The following DARS2 variants were observed in gnomAD, a reference collection of about 807,000 sequenced individuals.
DARS2 encodes aspartate--tRNA ligase, mitochondrial.
In DARS2, 63 loss-of-function variants were observed where a neutral mutation model predicts 83.0. The ratio of observed to expected loss-of-function variants is 0.76; its 90% confidence interval spans 0.62 to 0.94. The LOEUF (loss-of-function observed/expected upper bound fraction) is 0.94, where lower values mean the gene tolerates loss of function less well. Among genes scored for constraint, DARS2 ranks in the 40% least tolerant of loss-of-function variants. The pLI is 0.00. For synonymous variants in DARS2, 250 were observed against 269.3 expected (o/e 0.93, Z 0.70); for missense variants, 675 against 774.4 (o/e 0.87, Z 1.52).
At chr1:173,837,122 C>T (rs749852083) in intron 8 of DARS2, 76 bp downstream of exon 8, 2 of 1,288,132 alleles carry the variant, frequency 1.6e-6, no homozygotes, top group East Asian at 2.3e-5. Flanking sequence ...ACACAAAATC[C>T]TCTCTGTTCT....
intron 14 of DARS2, 69 bp downstream of exon 14, chr1:173,853,636 G>T: frequency 6.3e-7 from 1 of 1,585,152 alleles, no homozygotes; most frequent in Admixed American, 1.7e-5. Context: ...AGACTTCAAG[G>T]TCTGATGAAA....
chr1:173,840,791 A>T, intron 10 of DARS2, 75 bp from the exon 11 acceptor site: 1 of 835,156 alleles, frequency 1.2e-6, no homozygotes, highest in Non-Finnish European at 2.1e-6. Context: ...TCTTCTTTAA[A>T]ATCTTGTTTG....
rs1653606669 is a variant in DARS2, at chr1:173,850,318, T to C, written c.1192-9T>C. 6.2e-7 allele frequency: 1 copy of C among 1,602,768 alleles called. No homozygotes were observed. The highest frequency in any genetic ancestry group is 8.5e-7 in the Non-Finnish European group (1 of 1,176,596). On this transcript the variant is annotated splice_polypyrimidine_tract_variant and intron_variant, in intron 12 of 16. Transcript: ENST00000649689. ...AAAAAACGTGAATAAGTCTTTTTCT[T>C]TTACACAGGAAATCTTACCTGTATT...
At chr1:173,842,075 A>G (rs1472212437) in intron 11 of DARS2, among the ~76,000 whole-genome samples, 1 of 152,090 alleles carries the variant, frequency 6.6e-6, no homozygotes, top group African/African-American at 2.4e-5. Flanking sequence ...GAGAGAGAGA[A>G]TGGTTGGGCT....
intron 11 of DARS2, among the ~76,000 whole-genome samples, chr1:173,841,289 A>G (rs1435061003): frequency 1.3e-5 from 2 of 152,110 alleles, no homozygotes; most frequent in Non-Finnish European, 2.9e-5. Flanking sequence ...GGGCAGGAGA[A>G]TCGCTTGAAC....
intron 13 of DARS2, among the ~76,000 whole-genome samples, chr1:173,851,147 G>C (rs924252271): frequency 2.6e-5 from 4 of 151,400 alleles, no homozygotes; most frequent in Admixed American, 2.6e-4. Flanking sequence ...TCCTCGGGAG[G>C]CTGAGGCAGG....
chr1:173,834,740 T>TTTTTG (rs1652924289), intron 7 of DARS2, among the ~76,000 whole-genome samples: 1 of 131,058 alleles, frequency 7.6e-6, no homozygotes, highest in African/African-American at 3.4e-5. Flanking sequence ...TTGTTTTTTT[T>TTTTTG]TTTTTTTTTT....
intron 10 of DARS2, 91 bp from the exon 11 acceptor site, chr1:173,840,775 C>T (rs1193163560): frequency 1.3e-6 from 1 of 758,572 alleles, no homozygotes; most frequent in Admixed American, 1.9e-5. Flanking sequence ...TTATCAAGAT[C>T]TATTCTCTTC....
At chr1:173,834,724 GTTTTTTTGTTTTTTTT>G (rs1366152792) in intron 7 of DARS2, among the ~76,000 whole-genome samples, 12 of 14,770 alleles carry the variant, frequency 8.1e-4, no homozygotes, top group African/African-American at 3.1e-3. Flanking sequence ...TTTCCTTTGA[GTTTTTTTGTTTTTTTT>G]TTTTTTTTTT....
chr1:173,832,316 CTTAA>C (rs1557855326), intron 5 of DARS2, among the ~76,000 whole-genome samples: 1 of 152,112 alleles, frequency 6.6e-6, no homozygotes, highest in Non-Finnish European at 1.5e-5. Flanking sequence ...GTTCTCAATA[CTTAA>C]TTATCTAATT....
chr1:173,848,001 CGCGACCACGCCCG>C (rs1038192868), intron 12 of DARS2, among the ~76,000 whole-genome samples: 2 of 151,934 alleles, frequency 1.3e-5, no homozygotes, highest in Admixed American at 6.6e-5. Context: ...TACAGGCGCC[CGCGACCACGCCCG>C]GCTAATTTTT....
At position 173,845,258 on chromosome 1, in the gene DARS2, C is replaced by T. The variant is rs1435290584; in HGVS notation, c.1158C>T (p.Ser386=). Residue 386 remains serine, a synonymous_variant, in exon 12 of 17, where the codon TCC becomes TCT. Transcript: ENST00000649689. The part of the protein sequence containing the change: ...AKYLKRKDIE[S]IRNFAADHFN... Reference sequence around the variant, plus strand: ...ACTTAAAAAGGAAAGACATTGAATCCATTAGAAACTTTGCAGCTGACCATT... The same window carrying T: ...ACTTAAAAAGGAAAGACATTGAATCTATTAGAAACTTTGCAGCTGACCATT... 7 of 1,611,030 alleles carry T rather than the reference C, an allele frequency of 4.3e-6. No homozygotes were observed. The highest frequency in any genetic ancestry group is 5.9e-6 in the Non-Finnish European group (7 of 1,177,648).
chr1:173,857,642 A>T lies in DARS2; in HGVS notation c.1875A>T (p.Glu625Asp). The change falls in exon 17 of 17, where the codon GAA becomes GAT. Residue 625 changes from glutamate (E) to aspartate (D), a missense_variant. Glu to Asp is a conservative substitution (Grantham distance 45, BLOSUM62 2). Transcript: ENST00000649689. Reference sequence around the variant, plus strand: ...CCCCAGATTCTGTCCCTCCTGAGGAACTGAAGCCCTATCATATCCGAGTCT... The same window carrying T: ...CCCCAGATTCTGTCCCTCCTGAGGATCTGAAGCCCTATCATATCCGAGTCT... Reference protein sequence around the residue: ...SNTPDSVPPEELKPYHIRVSK... With the variant: ...SNTPDSVPPEDLKPYHIRVSK... 3 of 1,614,134 alleles carry T rather than the reference A, an allele frequency of 1.9e-6. No homozygotes were observed. Among genetic ancestry groups the T allele is most frequent in the Non-Finnish European group, 2.5e-6 (3 of 1,180,006 alleles).
chr1:173,838,113 T>C, intron 8 of DARS2, 77 bp from the exon 9 acceptor site: 1 of 1,188,850 alleles, frequency 8.4e-7, no homozygotes, highest in Non-Finnish European at 1.3e-6. Context: ...ATAGCTTGCA[T>C]TGCTTTAAAC....
chr1:173,831,605 C>T lies in DARS2; in HGVS notation c.467C>T (p.Pro156Leu). 1 of 1,613,752 alleles carries T rather than the reference C, an allele frequency of 6.2e-7. No individual in the cohort carries two copies. Among genetic ancestry groups the T allele is most frequent in the Non-Finnish European group, 8.5e-7 (1 of 1,179,822 alleles). The change falls in exon 5 of 17, where the codon CCC (proline) becomes CTC (leucine). Residue 156 changes from proline to leucine, a missense_variant. Pro to Leu is a moderately conservative substitution (Grantham distance 98, BLOSUM62 -3). Coordinates refer to ENST00000649689, the MANE Select transcript of DARS2 (RefSeq NM_018122.5). ...CTTCTGAATGCCTGCAAGAAGCTGC[C>T]CTTTGAAATTAAGAACTTCGTGAAG... ...AELLNACKKL[P>L]FEIKNFVKKT...
chr1:173,853,595 A>G, intron 14 of DARS2, 28 bp downstream of exon 14: 1 of 1,612,282 alleles, frequency 6.2e-7, no homozygotes, highest in South Asian at 1.1e-5. Context: ...CCAAATCAAA[A>G]GGAAATGTGT....
intron 3 of DARS2, among the ~76,000 whole-genome samples, chr1:173,830,277 A>G (rs1212132286): frequency 1.3e-5 from 2 of 152,216 alleles, no homozygotes; most frequent in African/African-American, 2.4e-5. Flanking sequence ...AGAGATGAGT[A>G]TAGCTAACCC....
chr1:173,825,229 C>T lies in DARS2; in HGVS notation c.-1C>T. 1.9e-6 allele frequency: 3 copies of T among 1,611,978 alleles called. No homozygotes were observed. The highest frequency in any genetic ancestry group is 2.5e-6 in the Non-Finnish European group (3 of 1,178,692). ...GTTTTTCGCCATCGTGTGGCTCCAA[C>T]ATGTACTTCCCTTCTTGGTTAAGTC... On this transcript the variant is annotated 5_prime_UTR_variant, in exon 1 of 17. Coordinates refer to ENST00000649689, the MANE Select transcript of DARS2 (RefSeq NM_018122.5).
chr1:173,855,552 C>G (rs1653828098), intron 15 of DARS2, among the ~76,000 whole-genome samples: 1 of 152,198 alleles, frequency 6.6e-6, no homozygotes, highest in Non-Finnish European at 1.5e-5. Context: ...TTAGGGCAGC[C>G]TCAAACTCCT....
Sources: gnomAD v4.1 joint callset for allele counts (sites outside exome capture counted in the v4.1 genomes callset) on GRCh38, gnomAD v4.1.1 for gene constraint, MANE v1.5 for transcripts, NCBI Gene and HGNC (gene_info 2026-07-23, HGNC 2026-07-21) for gene names.